SYTL5: variants seen among roughly 807,000 people sequenced by gnomAD.
SYTL5 encodes synaptotagmin-like protein 5.
Under a neutral mutation model 55.9 loss-of-function variants are expected in SYTL5, and 34 were observed. The ratio of observed to expected loss-of-function variants is 0.61; its 90% CI spans 0.46 to 0.81. The LOEUF is 0.81. Among genes scored for constraint, SYTL5 ranks in the 30% least tolerant of loss-of-function variants. The pLI is 0.00. For synonymous variants in SYTL5, 221 were observed against 188.7 expected (o/e 1.17, Z -1.40); for missense variants, 637 against 546.7 (o/e 1.17, Z -1.65).
chrX:38,105,064 A>T (rs1177062618), intron 10 of SYTL5, among the ~76,000 whole-genome samples: 2 of 112,589 alleles, frequency 1.8e-5, no homozygotes, highest in Non-Finnish European at 3.7e-5. Flanking sequence ...GTTGAACACA[A>T]GCTCTGTGAT....
chrX:38,032,807 A>G (rs1177814114), intron 1 of SYTL5, among the ~76,000 whole-genome samples: 1 of 110,689 alleles, frequency 9.0e-6, no homozygotes, highest in African/African-American at 3.3e-5. Flanking sequence ...AAAGCTCACT[A>G]CAGTCCTAGG....
intron 7 of SYTL5, among the ~76,000 whole-genome samples, chrX:38,090,058 T>C (rs1418363400): frequency 6.2e-5 from 7 of 112,108 alleles, no homozygotes; most frequent in African/African-American, 2.3e-4. Context: ...ACCTCCTGCA[T>C]CTTAGCTCCT....
At chrX:38,031,571 C>T (rs768715419) in intron 1 of SYTL5, among the ~76,000 whole-genome samples, 9 of 112,132 alleles carry the variant, frequency 8.0e-5, no homozygotes, top group South Asian at 3.8e-4. Flanking sequence ...TTCTATAAAA[C>T]ATTCACAAAG....
rs1245107212 is a variant in SYTL5 at position 38,128,091 on chromosome X, C to T, written c.*1361C>T. ...TTCAATCTACCATACCTTCTCTCAC[C>T]TGGAATTCCAGATGCTTGAGCTACG... On this transcript the variant is annotated 3_prime_UTR_variant, in exon 17 of 17. Transcript: ENST00000297875. The T allele has an allele frequency of 8.9e-6, 1 of 112,229 alleles. No homozygotes were observed. The highest frequency in any genetic ancestry group is 3.2e-5 in the African/African-American group (1 of 30,877). 9.2% of individuals were successfully genotyped at this position (112,229 alleles called of 1,213,427 possible). A position where few individuals can be genotyped will look rare whatever the true frequency, so the allele number is the denominator to read the frequency against.
the SYTL5 span, among the ~76,000 whole-genome samples, chrX:37,987,834 CT>C: frequency 8.9e-6 from 1 of 112,059 alleles, no homozygotes; most frequent in Non-Finnish European, 1.9e-5. Context: ...TCATCTGCCC[CT>C]GGAAGATGTG....
At chrX:38,018,441 T>G (rs1373841393) in intron 1 of SYTL5, among the ~76,000 whole-genome samples, 1 of 112,071 alleles carries the variant, frequency 8.9e-6, no homozygotes, top group Non-Finnish European at 1.9e-5. Context: ...AAACAGTTTA[T>G]GGGAAGTTTC....
At chrX:38,118,910 A>G (rs1309391529) in intron 13 of SYTL5, among the ~76,000 whole-genome samples, 3 of 83,396 alleles carry the variant, frequency 3.6e-5, no homozygotes, top group African/African-American at 1.5e-4. Flanking sequence ...GCATGCCACC[A>G]TGCCCAGCTA....
intron 1 of SYTL5, chrX:38,023,805 C>T (rs1934652093): frequency 9.0e-6 from 1 of 110,617 alleles, no homozygotes. Flanking sequence ...TTTATTAAGG[C>T]TTTCTCTTAG....
chrX:37,907,222 C>T, the SYTL5 span, among the ~76,000 whole-genome samples: 1 of 111,207 alleles, frequency 9.0e-6, no homozygotes, highest in African/African-American at 3.3e-5. Context: ...TGCCTGCCAC[C>T]CCCACCCCAA....
At chrX:37,940,870 C>G in the SYTL5 span, among the ~76,000 whole-genome samples, 1 of 110,525 alleles carries the variant, frequency 9.0e-6, no homozygotes, top group East Asian at 2.8e-4. Flanking sequence ...ATGACAGAGT[C>G]CAGTGAAAGA....
chrX:38,031,775 A>C (rs1488957521), intron 1 of SYTL5, among the ~76,000 whole-genome samples: 1 of 112,012 alleles, frequency 8.9e-6, no homozygotes, highest in African/African-American at 3.2e-5. Context: ...GATGCAAAAA[A>C]CAATTAACCT....
At chrX:37,937,245 G>A in the SYTL5 span, among the ~76,000 whole-genome samples, 3 of 110,434 alleles carry the variant, frequency 2.7e-5, no homozygotes, top group African/African-American at 9.9e-5. Context: ...AGCTATCAGG[G>A]TATCGAGTAG....
At chrX:37,955,328 T>C in the SYTL5 span, among the ~76,000 whole-genome samples, 1 of 112,111 alleles carries the variant, frequency 8.9e-6, no homozygotes, top group East Asian at 2.8e-4. Context: ...ATGGTTTAAA[T>C]TGGTTGCCTA....
At chrX:38,034,084 C>A in intron 2 of SYTL5, 76 bp downstream of exon 2, 1 of 498,407 alleles carries the variant, frequency 2.0e-6, no homozygotes, top group Non-Finnish European at 3.3e-6. Flanking sequence ...CAGAAATGGG[C>A]CAAGTGCAAC....
At chrX:38,004,847 A>G (rs1405457821), upstream of SYTL5, among the ~76,000 whole-genome samples, 1 of 110,885 alleles carries the variant, frequency 9.0e-6, no homozygotes, top group East Asian at 2.8e-4. Context: ...TGAATAAGAC[A>G]TAGTATTTCT....
chrX:38,075,843 T>G (rs1037352948), intron 5 of SYTL5, among the ~76,000 whole-genome samples: 2 of 111,718 alleles, frequency 1.8e-5, no homozygotes, highest in Non-Finnish European at 3.8e-5. Flanking sequence ...CAAAAAGGAA[T>G]ATAGCTTTGA....
chrX:37,945,104 A>G, the SYTL5 span, among the ~76,000 whole-genome samples: 1 of 113,297 alleles, frequency 8.8e-6, no homozygotes. Context: ...AAGCAGAGAT[A>G]TAGGTATAGT....
chrX:37,993,444 G>C, the SYTL5 span, among the ~76,000 whole-genome samples: 1 of 112,246 alleles, frequency 8.9e-6, no homozygotes, highest in Non-Finnish European at 1.9e-5. Context: ...AGCTCTGATA[G>C]ATGAATCCAC....
chrX:37,991,844 T>G, the SYTL5 span, among the ~76,000 whole-genome samples: 1 of 112,045 alleles, frequency 8.9e-6, no homozygotes, highest in Non-Finnish European at 1.9e-5. Context: ...ATTTCTTATT[T>G]CTTTATGCCC....
Sources: allele counts gnomAD v4.1 joint callset (sites outside exome capture counted in the v4.1 genomes callset), GRCh38; gene constraint gnomAD v4.1.1; transcripts MANE v1.5; gene names NCBI Gene and HGNC (gene_info 2026-07-23, HGNC 2026-07-21).